The following DNAH6 variants were observed in gnomAD, a reference collection of about 807,000 sequenced individuals.
DNAH6 encodes the protein dynein axonemal heavy chain 6.
DNAH6 carries 340 observed loss-of-function variants against 491.4 expected under a neutral mutation model. The observed-to-expected ratio is 0.69, with a 90% CI of 0.63 to 0.76. The LOEUF is 0.76. DNAH6 is among the 30% of genes least tolerant of loss of function. DNAH6 has a pLI of 0.00. For missense variants in DNAH6, 4,443 were observed against 4,972.2 expected (o/e 0.89, Z 3.20); for synonymous variants, 1,603 against 1,686.1 (o/e 0.95, Z 1.21).
the DNAH6 span, among the ~76,000 whole-genome samples, chr2:84,500,779 T>C: frequency 2.6e-4 from 40 of 152,328 alleles, no homozygotes; most frequent in African/African-American, 9.1e-4. Context: ...ATTAATTTAT[T>C]TGTGGCTATT....
At chr2:84,539,669 C>G (rs965731) in intron 4 of DNAH6, among the ~76,000 whole-genome samples, 136,539 of 152,172 alleles carry the variant, frequency 0.9, 61,581 homozygotes, top group East Asian at 0.99. Flanking sequence ...GGGTGGAGCC[C>G]GAGAATGTGC....
intron 59 of DNAH6, 118 bp from the exon 60 acceptor site, chr2:84,722,507 A>G (rs1198359135): frequency 7.1e-6 from 6 of 846,234 alleles, no homozygotes; most frequent in Non-Finnish European, 1.1e-5. Context: ...ACCCCTTATT[A>G]TAATCACCAA....
chr2:84,540,801 C>A (rs2104506895), intron 4 of DNAH6, among the ~76,000 whole-genome samples: 1 of 152,074 alleles, frequency 6.6e-6, no homozygotes, highest in South Asian at 2.1e-4. Context: ...GACAAGGGAC[C>A]CCTTGATCTT....
chr2:84,544,177 G>C (rs948105185), intron 4 of DNAH6, 56 bp from the exon 5 acceptor site: 5 of 923,342 alleles, frequency 5.4e-6, no homozygotes, highest in Non-Finnish European at 7.7e-6. Flanking sequence ...CAATGCAATT[G>C]CTTCATTTTG....
intron 30 of DNAH6, among the ~76,000 whole-genome samples, chr2:84,635,267 T>C (rs1332542808): frequency 6.6e-6 from 1 of 152,246 alleles, no homozygotes; most frequent in Non-Finnish European, 1.5e-5. Flanking sequence ...ACTTGGACTA[T>C]AGTGAGCTAC....
chr2:84,534,407 G>A (rs1677482481), intron 4 of DNAH6, among the ~76,000 whole-genome samples: 1 of 152,110 alleles, frequency 6.6e-6, no homozygotes. Flanking sequence ...CTGCCAGAGA[G>A]CAGCTCTATA....
intron 62 of DNAH6, among the ~76,000 whole-genome samples, chr2:84,734,590 CAT>C (rs1699389835): frequency 6.6e-6 from 1 of 152,130 alleles, no homozygotes; most frequent in African/African-American, 2.4e-5. Context: ...ATATTCCATG[CAT>C]GTCATTTCTT....
chr2:84,617,264 G>A (rs1435379984), intron 23 of DNAH6, among the ~76,000 whole-genome samples: 2 of 151,996 alleles, frequency 1.3e-5, no homozygotes, highest in Non-Finnish European at 2.9e-5. Flanking sequence ...TACATAACAT[G>A]TTTTGACATA....
chr2:84,678,109 T>C (rs1032405123), intron 41 of DNAH6, among the ~76,000 whole-genome samples: 2 of 152,190 alleles, frequency 1.3e-5, no homozygotes, highest in African/African-American at 4.8e-5. Context: ...GAAAGGAATT[T>C]TCTGTTTGTA....
At chr2:84,495,511 G>A in the DNAH6 span, among the ~76,000 whole-genome samples, 11 of 152,292 alleles carry the variant, frequency 7.2e-5, no homozygotes, top group East Asian at 2.1e-3. Flanking sequence ...GATCACCTCT[G>A]CAAAGACCTT....
At chr2:84,688,734 G>A in intron 45 of DNAH6, 141 bp downstream of exon 45, 2 of 640,440 alleles carry the variant, frequency 3.1e-6, no homozygotes, top group Non-Finnish European at 4.9e-6. Context: ...TAACTTAAGA[G>A]TTATTGTTTA....
At chr2:84,568,440 C>G (rs1681445540) in intron 11 of DNAH6, among the ~76,000 whole-genome samples, 1 of 152,092 alleles carries the variant, frequency 6.6e-6, no homozygotes, top group Non-Finnish European at 1.5e-5. Flanking sequence ...GAGCTGGAAG[C>G]CATTATCCTC....
intron 10 of DNAH6, among the ~76,000 whole-genome samples, chr2:84,556,037 C>T (rs758047993): frequency 6.6e-6 from 1 of 152,174 alleles, no homozygotes; most frequent in Non-Finnish European, 1.5e-5. Context: ...TAATCATGTC[C>T]CTTTCCTGCT....
chr2:84,654,011 A>G, intron 34 of DNAH6, 137 bp downstream of exon 34: 1 of 694,058 alleles, frequency 1.4e-6, no homozygotes, highest in Non-Finnish European at 2.2e-6. Context: ...TTATTAAGTC[A>G]TCCTTTTGTA....
At chr2:84,681,134 G>T (rs923456282) in intron 41 of DNAH6, among the ~76,000 whole-genome samples, 1 of 152,106 alleles carries the variant, frequency 6.6e-6, no homozygotes, top group Non-Finnish European at 1.5e-5. Context: ...TCACTAGTCA[G>T]ATATGAATGC....
intron 45 of DNAH6, among the ~76,000 whole-genome samples, chr2:84,694,025 G>A (rs1292742501): frequency 9.9e-5 from 15 of 152,188 alleles, no homozygotes; most frequent in African/African-American, 1.4e-4. Context: ...GACTAGGGCC[G>A]AGACCCAACA....
chr2:84,819,289 C>G lies in DNAH6; in HGVS notation c.12374-16C>G. ...TCTCTTAAGTAACAACCTTTTTTTC[C>G]TATATCCTTAATTAGGACATTCAAC... On this transcript the variant is annotated splice_polypyrimidine_tract_variant and intron_variant, in intron 76 of 76. Coordinates refer to ENST00000389394, the MANE Select transcript of DNAH6 (RefSeq NM_001370.2). 6.6e-7 allele frequency: 1 copy of G among 1,514,884 alleles called. No individual in the cohort carries two copies. Among genetic ancestry groups the G allele is most frequent in the Non-Finnish European group, 8.9e-7 (1 of 1,120,360 alleles). 93.8% of individuals were successfully genotyped at this position (1,514,884 alleles called of 1,614,324 possible). A position where few individuals can be genotyped will look rare whatever the true frequency, so the allele number is the denominator to read the frequency against.
At chr2:84,790,372 A>G (rs966351900) in intron 68 of DNAH6, among the ~76,000 whole-genome samples, 1 of 152,248 alleles carries the variant, frequency 6.6e-6, no homozygotes, top group Non-Finnish European at 1.5e-5. Context: ...TGACACAAAA[A>G]AGAAAAAATA....
At chr2:84,787,417 A>T in intron 68 of DNAH6, 115 bp downstream of exon 68, 2 of 721,306 alleles carry the variant, frequency 2.8e-6, no homozygotes, top group Non-Finnish European at 4.4e-6. Flanking sequence ...GGTGGTGATG[A>T]TGATATTTTA....
Sources: gnomAD v4.1 joint callset for allele counts (sites outside exome capture counted in the v4.1 genomes callset) on GRCh38, gnomAD v4.1.1 for gene constraint, MANE v1.5 for transcripts, NCBI Gene and HGNC (gene_info 2026-07-23, HGNC 2026-07-21) for gene names.